The following CIMAP2 variants were observed in gnomAD, a reference collection of about 807,000 sequenced individuals.
CIMAP2 encodes ciliary microtubule-associated protein 2.
At chr1:54,825,992 G>C in the CIMAP2 span, among the ~76,000 whole-genome samples, 1 of 152,176 alleles carries the variant, frequency 6.6e-6, no homozygotes, top group Non-Finnish European at 1.5e-5. Flanking sequence ...CAAGGTCCCT[G>C]GACAACATGC....
At chr1:54,829,483 A>C in the CIMAP2 span, among the ~76,000 whole-genome samples, 1 of 152,186 alleles carries the variant, frequency 6.6e-6, no homozygotes, top group Non-Finnish European at 1.5e-5. Flanking sequence ...CTGGCTCAGA[A>C]TTATGATGCC....
chr1:54,812,314 A>T, the CIMAP2 span: 1 of 1,356,876 alleles, frequency 7.4e-7, no homozygotes, highest in African/African-American at 1.4e-5. Context: ...ACACCCCCTC[A>T]CTTCACCCTC....
the CIMAP2 span, chr1:54,806,186 T>C: frequency 1.3e-6 from 2 of 1,550,530 alleles, no homozygotes; most frequent in East Asian, 2.4e-5. Context: ...CACCAAGTGG[T>C]TCACCGGGGC....
At chr1:54,841,647 GTCA>G in the CIMAP2 span, 1 of 1,613,872 alleles carries the variant, frequency 6.2e-7, no homozygotes, top group East Asian at 2.2e-5. Flanking sequence ...AGGCCTAGAA[GTCA>G]TCAATTTTGG....
chr1:54,811,765 G>GCCGGGGGGGGGGGGGGGCCC, the CIMAP2 span: 1 of 1,301,328 alleles, frequency 7.7e-7, no homozygotes, highest in Non-Finnish European at 1.1e-6. Flanking sequence ...GGTTCTGACA[G>GCCGGGGGGGGGGGGGGGCCC]CCTCCATGCC....
the CIMAP2 span, chr1:54,841,686 T>C: frequency 6.2e-7 from 1 of 1,602,462 alleles, no homozygotes; most frequent in African/African-American, 1.3e-5. Context: ...GGATCTCCTG[T>C]GAAGCAGAAC....
chr1:54,841,154 G>T, the CIMAP2 span, among the ~76,000 whole-genome samples: 1 of 152,334 alleles, frequency 6.6e-6, no homozygotes, highest in African/African-American at 2.4e-5. Context: ...CATGGGTAAT[G>T]ATCTAGGCAT....
At chr1:54,840,256 T>G in the CIMAP2 span, among the ~76,000 whole-genome samples, 1 of 152,256 alleles carries the variant, frequency 6.6e-6, no homozygotes, top group African/African-American at 2.4e-5. Context: ...TGTATCTTTT[T>G]CTTTCATGTT....
At chr1:54,841,604 T>C in the CIMAP2 span, 2 of 1,614,094 alleles carry the variant, frequency 1.2e-6, no homozygotes, top group Non-Finnish European at 1.7e-6. Context: ...ATTGCTGTAA[T>C]CCCATCCTTA....
At chr1:54,812,276 G>A in the CIMAP2 span, 6 of 1,554,142 alleles carry the variant, frequency 3.9e-6, no homozygotes, top group Non-Finnish European at 5.3e-6. Flanking sequence ...ACCAGCCTGT[G>A]TGCCAGGCTC....
the CIMAP2 span, among the ~76,000 whole-genome samples, chr1:54,815,609 T>C: frequency 6.6e-6 from 1 of 152,312 alleles, no homozygotes. Flanking sequence ...GATGTATCTT[T>C]AGTTAGTGTT....
the CIMAP2 span, among the ~76,000 whole-genome samples, chr1:54,823,345 C>T: frequency 6.8e-6 from 1 of 146,070 alleles, no homozygotes. Flanking sequence ...TTTTTATGTT[C>T]TTTTTTTTTT....
chr1:54,817,000 T>TGTGG, the CIMAP2 span: 15 of 1,613,918 alleles, frequency 9.3e-6, no homozygotes, highest in Non-Finnish European at 1.3e-5. Flanking sequence ...ACCCAGTAGG[T>TGTGG]GTGGGCCGCT....
the CIMAP2 span, among the ~76,000 whole-genome samples, chr1:54,833,537 G>A: frequency 6.6e-6 from 1 of 152,192 alleles, no homozygotes; most frequent in Non-Finnish European, 1.5e-5. Flanking sequence ...GCAAACTGTA[G>A]GGTTCTGGGC....
At chr1:54,807,812 C>G in the CIMAP2 span, 2 of 1,517,302 alleles carry the variant, frequency 1.3e-6, no homozygotes, top group East Asian at 4.7e-5. Context: ...TTAAGGAACA[C>G]CATCGTGCCT....
the CIMAP2 span, chr1:54,812,058 G>T: frequency 3.7e-6 from 6 of 1,614,160 alleles, no homozygotes; most frequent in Non-Finnish European, 5.1e-6. Flanking sequence ...GAGTGGTCTG[G>T]GACCCGGCAC....
chr1:54,833,387 G>A, the CIMAP2 span, among the ~76,000 whole-genome samples: 1 of 152,184 alleles, frequency 6.6e-6, no homozygotes, highest in African/African-American at 2.4e-5. Flanking sequence ...AACACAACAC[G>A]TTCTCAACCA....
chr1:54,818,934 T>G, the CIMAP2 span, among the ~76,000 whole-genome samples: 1 of 152,208 alleles, frequency 6.6e-6, no homozygotes, highest in Non-Finnish European at 1.5e-5. Context: ...TAAGTTTTCC[T>G]GAAGTTCTTT....
the CIMAP2 span, among the ~76,000 whole-genome samples, chr1:54,829,158 T>G: frequency 6.6e-6 from 1 of 152,226 alleles, no homozygotes. Context: ...CATATATTGT[T>G]TTATAATCAG....
Sources: gnomAD v4.1 joint callset for allele counts (sites outside exome capture counted in the v4.1 genomes callset) on GRCh38, gnomAD v4.1.1 for gene constraint, MANE v1.5 for transcripts, NCBI Gene and HGNC (gene_info 2026-07-23, HGNC 2026-07-21) for gene names.